The following BRIP1 variants were observed in gnomAD, a reference collection of about 807,000 sequenced individuals.
The protein encoded by BRIP1 is Fanconi anemia group J protein.
In BRIP1, 88 loss-of-function variants were observed where a neutral mutation model predicts 119.7. That is an observed-to-expected ratio of 0.74 (90% CI 0.62 to 0.88). BRIP1 has a LOEUF of 0.88. BRIP1 is among the 40% of genes least tolerant of loss of function. BRIP1 has a pLI of 0.00. For synonymous variants in BRIP1, 443 were observed against 496.5 expected (o/e 0.89, Z 1.43); for missense variants, 1,259 against 1,455.4 (o/e 0.87, Z 2.20).
At position 61,804,165 on chromosome 17, in the gene BRIP1, G is replaced by A. The variant is rs1182571787; in HGVS notation, c.919-2691C>T. ...AAGGATTAAGGAGATGGAGGATCTA[G>A]AAAAAGCCTCTCTTTTCATTTTCTA... On this transcript the variant is annotated intron_variant, in intron 7 of 19. Transcript: ENST00000259008. This position sits in a 1 kb window ranked among gnomAD's most constrained non-coding sequence, Gnocchi z 4.5. Among the ~76,000 whole-genome samples the A allele has an allele frequency of 2.0e-5, 3 of 151,998 alleles. No individual in the cohort carries two copies. Among genetic ancestry groups the A allele is most frequent in the Non-Finnish European group, 4.4e-5 (3 of 67,980 alleles).
At position 61,680,838 on chromosome 17, in the gene BRIP1, T is replaced by A. The variant is rs1007551665; in HGVS notation, c.*2458A>T. Among the ~76,000 whole-genome samples the A allele has an allele frequency of 6.6e-6, 1 of 152,294 alleles. No homozygotes were observed. Among genetic ancestry groups the A allele is most frequent in the East Asian group, 1.9e-4 (1 of 5,186 alleles). On this transcript the variant is annotated 3_prime_UTR_variant, in exon 20 of 20. Transcript: ENST00000259008. ...AATTGTAGCATTGCGAAAATAAATA[T>A]CTAGCTTTCCAAGTTATTATGCACA... is the stretch of plus-strand genomic sequence containing the variant.
intron 14 of BRIP1, among the ~76,000 whole-genome samples, chr17:61,750,677 A>G (rs1340902280): frequency 6.7e-6 from 1 of 149,586 alleles, no homozygotes; most frequent in Non-Finnish European, 1.5e-5. Flanking sequence ...AAATATAGGC[A>G]AAGGACTTTA....
chr17:61,749,856 A>G (rs2109254), intron 14 of BRIP1, among the ~76,000 whole-genome samples: 118,602 of 152,216 alleles, frequency 0.78, 46,758 homozygotes, highest in African/African-American at 0.85. Flanking sequence ...TTGTCAGTGT[A>G]TAGAAATACA....
rs1398342825 is a variant in BRIP1, at chr17:61,735,909, C to T, written c.2379+7104G>A. On this transcript the variant is annotated intron_variant, in intron 16 of 19. Transcript: ENST00000259008. The surrounding 1 kb of genome is among the most constrained non-coding windows in gnomAD (Gnocchi z 4.4). ...ATAACAACACAACCTGGCCAACACT[C>T]TGATTGCAGCAGTTTTGTGGAACCC... Among the ~76,000 whole-genome samples the T allele has an allele frequency of 6.6e-6, 1 of 152,166 alleles. No homozygotes were observed. Among genetic ancestry groups the T allele is most frequent in the Non-Finnish European group, 1.5e-5 (1 of 68,022 alleles).
At position 61,860,276 on chromosome 17, in the gene BRIP1, A is replaced by C. The variant is rs1306835861; in HGVS notation, c.94-369T>G. On this transcript the variant is annotated intron_variant, in intron 2 of 19. Transcript: ENST00000259008. This position sits in a 1 kb window ranked among gnomAD's most constrained non-coding sequence, Gnocchi z 4.1. ...TGTTACAACTACTTGGTAGAGAAATAAACAATTTCTTATAAAGTGAAGATG... is the reference window on the plus strand; with the variant it reads ...TGTTACAACTACTTGGTAGAGAAATCAACAATTTCTTATAAAGTGAAGATG... 2.0e-5 allele frequency among the ~76,000 whole-genome samples: 3 copies of C among 152,238 alleles called. No homozygotes were observed. The highest frequency in any genetic ancestry group is 4.8e-5 in the African/African-American group (2 of 41,468).
chr17:61,846,679 G>A lies in BRIP1; in HGVS notation c.627+422C>T, dbSNP rs987602761. 1.3e-5 allele frequency among the ~76,000 whole-genome samples: 2 copies of A among 151,640 alleles called. No homozygotes were observed. Among genetic ancestry groups the A allele is most frequent in the Non-Finnish European group, 2.9e-5 (2 of 68,002 alleles). On this transcript the variant is annotated intron_variant, in intron 6 of 19. Transcript: ENST00000259008. The surrounding 1 kb of genome is among the most constrained non-coding windows in gnomAD (Gnocchi z 4.3). ...TGGGATTACAGGCGTGAGCCACCAC[G>A]CCTGGCCTACAACATCTTAATATTA...
Position 61,744,373 on chromosome 17 carries a change from CCTT to C in BRIP1, c.2257+56_2257+58del, listed in dbSNP as rs1362763081. The C allele has an allele frequency of 7.2e-6, 11 of 1,533,682 alleles. No homozygotes were observed. The highest frequency in any genetic ancestry group is 3.4e-4 in the Middle Eastern group (2 of 5,886). ...CTAAAAATATAAAATTATAATTGTA[CCTT>C]CTTACTTTGTAATAAAAAATATTTT... On this transcript the variant is annotated intron_variant, in intron 15 of 19. Coordinates refer to ENST00000259008, the MANE Select transcript of BRIP1 (RefSeq NM_032043.3). This position sits in a 1 kb window ranked among gnomAD's most constrained non-coding sequence, Gnocchi z 5.0.
Position 61,736,151 on chromosome 17 carries a change from C to A in BRIP1, c.2379+6862G>T, listed in dbSNP as rs958061277. ...GGCCAGCTTGTACAACATAGCAAGA[C>A]CTCGCCTCTCCAAAAAAAAAAAAAA... On this transcript the variant is annotated intron_variant, in intron 16 of 19. Transcript: ENST00000259008. This position sits in a 1 kb window ranked among gnomAD's most constrained non-coding sequence, Gnocchi z 4.4. Among the ~76,000 whole-genome samples the A allele has an allele frequency of 3.3e-5, 5 of 151,194 alleles. No homozygotes were observed. The highest frequency in any genetic ancestry group is 1.2e-4 in the African/African-American group (5 of 41,130).
Position 61,693,463 on chromosome 17 carries a change from G to T in BRIP1, c.2542C>A (p.Arg848Ser), listed in dbSNP as rs45572934. ...DWGALILVDD[R>S]FRNNPSRYIS... ...TAGCGACTTGGGTTATTCCTAAAGC[G>T]ATCATCCACTAGAATAAGAGCTCCC... The change falls in exon 18 of 20, where the codon CGC (arginine) becomes AGC (serine). Residue 848 changes from arginine to serine, a missense_variant. Transcript: ENST00000259008. The surrounding 1 kb of genome is among the most constrained non-coding windows in gnomAD (Gnocchi z 4.2). 1 of 1,613,614 alleles carries T rather than the reference G, an allele frequency of 6.2e-7. No homozygotes were observed. The highest frequency in any genetic ancestry group is 8.5e-7 in the Non-Finnish European group (1 of 1,179,674).
At position 61,846,246 on chromosome 17, in the gene BRIP1, A is replaced by AAGAGAGAGAGAGAGAAAGAGAG. The variant is rs769544401; in HGVS notation, c.627+833_627+854dup. 9.6e-5 allele frequency among the ~76,000 whole-genome samples: 12 copies of AAGAGAGAGAGAGAGAAAGAGAG among 124,852 alleles called. No individual in the cohort carries two copies. In the East Asian group the frequency reaches 2.2e-3, roughly 22 times the overall value. The allele number at this position is 124,852 out of a possible 152,430, so 81.9% of individuals were successfully genotyped here. ...ACATATAGAGAGAGAGAGAGAGAAAAAGAGAGAGAGAGAGAAAGAGAGAGA... is the reference window on the plus strand; with the variant it reads ...ACATATAGAGAGAGAGAGAGAGAAAAAGAGAGAGAGAGAGAAAGAGAGAGAGAGAGAGAGAGAAAGAGAGAGA... On this transcript the variant is annotated intron_variant, in intron 6 of 19. Coordinates refer to ENST00000259008, the MANE Select transcript of BRIP1 (RefSeq NM_032043.3). This position sits in a 1 kb window ranked among gnomAD's most constrained non-coding sequence, Gnocchi z 4.3.
At position 61,757,507 on chromosome 17, in the gene BRIP1, C is replaced by T. The variant is rs1050544792; in HGVS notation, c.2098-12916G>A. 1.3e-5 allele frequency among the ~76,000 whole-genome samples: 2 copies of T among 152,174 alleles called. No homozygotes were observed. Among genetic ancestry groups the T allele is most frequent in the African/African-American group, 4.8e-5 (2 of 41,442 alleles). ...TCTCTCTCATAAATTAGTTAAAATACTGAGGACTCTGAAAATGTCAGAGCT... is the reference window on the plus strand; with the variant it reads ...TCTCTCTCATAAATTAGTTAAAATATTGAGGACTCTGAAAATGTCAGAGCT... On this transcript the variant is annotated intron_variant, in intron 14 of 19. Transcript: ENST00000259008. The surrounding 1 kb of genome is among the most constrained non-coding windows in gnomAD (Gnocchi z 4.3).
At chr17:61,697,003 AG>A (rs748286552) in intron 17 of BRIP1, among the ~76,000 whole-genome samples, 2,063 of 121,178 alleles carry the variant, frequency 0.017, 50 homozygotes, top group Non-Finnish European at 0.018. Flanking sequence ...AAAAAAAAAA[AG>A]GGGGGGGGAA....
intron 10 of BRIP1, among the ~76,000 whole-genome samples, chr17:61,791,142 A>AT (rs1038869681): frequency 1.5e-4 from 23 of 151,784 alleles, no homozygotes; most frequent in Admixed American, 2.6e-4. Context: ...TATTTTCATC[A>AT]TTTTTTTTGT....
rs1235724458 is a variant in BRIP1, at chr17:61,824,618, T to G, written c.628-15861A>C. Among the ~76,000 whole-genome samples the G allele has an allele frequency of 6.6e-6, 1 of 152,130 alleles. No homozygotes were observed. The highest frequency in any genetic ancestry group is 2.1e-4 in the South Asian group (1 of 4,830). Reference sequence around the variant, plus strand: ...AACCTGGATATCTACACACAAACAATGAAGTTGCACCATTATAATATATGG... The same window carrying G: ...AACCTGGATATCTACACACAAACAAGGAAGTTGCACCATTATAATATATGG... On this transcript the variant is annotated intron_variant, in intron 6 of 19. Transcript: ENST00000259008. This position sits in a 1 kb window ranked among gnomAD's most constrained non-coding sequence, Gnocchi z 4.3.
chr17:61,822,524 CA>C lies in BRIP1; in HGVS notation c.628-13768del, dbSNP rs2078341957. ...GGACAGACTATCCAGTAAGGCCAGT[CA>C]AATCAATCATACAGGTTAATGAGAT... On this transcript the variant is annotated intron_variant, in intron 6 of 19. Transcript: ENST00000259008. This position sits in a 1 kb window ranked among gnomAD's most constrained non-coding sequence, Gnocchi z 4.4. Among the ~76,000 whole-genome samples, 1 of 152,128 alleles carries C rather than the reference CA, an allele frequency of 6.6e-6. No homozygotes were observed. Among genetic ancestry groups the C allele is most frequent in the African/African-American group, 2.4e-5 (1 of 41,428 alleles).
Position 61,686,053 on chromosome 17 carries a change from TATGG to T in BRIP1, c.2684_2687del (p.Ser895Ter), listed in dbSNP as rs760551339. 1.2e-5 allele frequency: 20 copies of T among 1,613,810 alleles called. No individual in the cohort carries two copies. The highest frequency in any genetic ancestry group is 1.7e-5 in the Non-Finnish European group (20 of 1,179,814). On this transcript the variant is annotated frameshift_variant, in exon 19 of 20. Transcript: ENST00000259008. LOFTEE classifies it high-confidence loss of function. This position sits in a 1 kb window ranked among gnomAD's most constrained non-coding sequence, Gnocchi z 5.4. ...TGTCCTGTATATTGGTTCTGTCCTT[TATGG>T]ATACATTAAGAACTTTTTGATGCTT...
rs1461002522 is a variant in BRIP1, at chr17:61,701,597, G to A, written c.2493-8085C>T. ...CTTTTCTTAGCATGTCCACATCACT[G>A]GTCACATGCACTCTCCTACACATAT... is the stretch of plus-strand genomic sequence containing the variant. On this transcript the variant is annotated intron_variant, in intron 17 of 19. Transcript: ENST00000259008. This position sits in a 1 kb window ranked among gnomAD's most constrained non-coding sequence, Gnocchi z 5.1. Among the ~76,000 whole-genome samples the A allele has an allele frequency of 2.0e-5, 3 of 152,146 alleles. No individual in the cohort carries two copies. Among genetic ancestry groups the A allele is most frequent in the Non-Finnish European group, 4.4e-5 (3 of 68,024 alleles).
chr17:61,739,876 T>C lies in BRIP1; in HGVS notation c.2379+3137A>G, dbSNP rs2076964505. ...GTTCAACTTAGGCTCAAATTATTACTATAGTTTTTCAAATATATTGTTTAG... is the reference window on the plus strand; with the variant it reads ...GTTCAACTTAGGCTCAAATTATTACCATAGTTTTTCAAATATATTGTTTAG... On this transcript the variant is annotated intron_variant, in intron 16 of 19. Transcript: ENST00000259008. This position sits in a 1 kb window ranked among gnomAD's most constrained non-coding sequence, Gnocchi z 6.0. 6.6e-6 allele frequency among the ~76,000 whole-genome samples: 1 copy of C among 152,206 alleles called. No individual in the cohort carries two copies. The highest frequency in any genetic ancestry group is 2.1e-4 in the South Asian group (1 of 4,836).
chr17:61,730,370 C>T lies in BRIP1; in HGVS notation c.2379+12643G>A, dbSNP rs1197986478. ...GATTAAAATTCACAACTAAAATTCT[C>T]CTCAAAAGAAAAAAATTAGTTATTT... On this transcript the variant is annotated intron_variant, in intron 16 of 19. Transcript: ENST00000259008. The surrounding 1 kb of genome is among the most constrained non-coding windows in gnomAD (Gnocchi z 4.3). Among the ~76,000 whole-genome samples the T allele has an allele frequency of 6.6e-6, 1 of 152,088 alleles. No individual in the cohort carries two copies. The highest frequency in any genetic ancestry group is 1.5e-5 in the Non-Finnish European group (1 of 68,006).
Sources: allele counts gnomAD v4.1 joint callset (sites outside exome capture counted in the v4.1 genomes callset), GRCh38; gene constraint gnomAD v4.1.1; non-coding constraint Gnocchi (gnomAD v3.1); transcripts MANE v1.5; gene names NCBI Gene and HGNC (gene_info 2026-07-23, HGNC 2026-07-21).